Variants in CAPN15 observed in about 807,000 individuals in gnomAD.
The protein encoded by CAPN15 is calpain-15.
A neutral mutation model predicts 97.9 loss-of-function variants in CAPN15; 53 were observed. The observed-to-expected ratio is 0.54, with a 90% CI of 0.43 to 0.68. The LOEUF (loss-of-function observed/expected upper bound fraction) is 0.68. CAPN15 is among the 30% of genes least tolerant of loss of function. CAPN15 has a pLI of 0.00. For missense variants in CAPN15, 1,592 were observed against 1,589.8 expected (o/e 1.00, Z -0.02); for synonymous variants, 922 against 722.5 (o/e 1.28, Z -4.43).
Position 553,016 on chromosome 16 carries a change from C to A in CAPN15, c.3058C>A (p.Gln1020Lys), listed in dbSNP as rs771475802. 2 of 1,604,848 alleles carry A rather than the reference C, an allele frequency of 1.2e-6. No individual in the cohort carries two copies. Among genetic ancestry groups the A allele is most frequent in the Non-Finnish European group, 1.7e-6 (2 of 1,175,600 alleles). The change falls in exon 13 of 14, where the codon CAG becomes AAG. Residue 1020 changes from glutamine to lysine, a missense_variant. Around this residue, in one of 3 missense-constraint regions of CAPN15, gnomAD observed 644 missense variants for 699.6 expected, o/e 0.92. Transcript: ENST00000219611. ...VVSTRGSLRT[Q>K]DSVPPLHRQV... is the part of the protein sequence containing the mutation. ...GTCCACACGCGGCAGCCTGCGTACCCAGGATAGCGTGCCACCCCTGCACAG... is the reference window on the plus strand; with the variant it reads ...GTCCACACGCGGCAGCCTGCGTACCAAGGATAGCGTGCCACCCCTGCACAG...
rs1014579378 is a variant in CAPN15, at chr16:535,877, G to A, written c.-136-152G>A. Among the ~76,000 whole-genome samples, 3 of 152,064 alleles carry A rather than the reference G, an allele frequency of 2.0e-5. No homozygotes were observed. Among genetic ancestry groups the A allele is most frequent in the African/African-American group, 7.2e-5 (3 of 41,404 alleles). ...GCTTGGCCGGCGGCAGGCCCTACAG[G>A]AGCAGCAGCGGCCCAGGGCATGTCC... On this transcript the variant is annotated intron_variant, in intron 2 of 13. Coordinates refer to ENST00000219611, the MANE Select transcript of CAPN15 (RefSeq NM_005632.3). This position sits in a 1 kb window ranked among gnomAD's most constrained non-coding sequence, Gnocchi z 6.2.
At chr16:541,327 GC>G (rs1306950594) in intron 3 of CAPN15, among the ~76,000 whole-genome samples, 1 of 152,214 alleles carries the variant, frequency 6.6e-6, no homozygotes, top group African/African-American at 2.4e-5. Context: ...AGCCCTGTCT[GC>G]GAGTTACCCC....
chr16:530,487 C>G (rs1394581691), intron 1 of CAPN15, among the ~76,000 whole-genome samples: 1 of 152,228 alleles, frequency 6.6e-6, no homozygotes, highest in African/African-American at 2.4e-5. Context: ...CGGCCTGTTT[C>G]TGAGTCTGAG....
chr16:547,777 C>T lies in CAPN15; in HGVS notation c.939C>T (p.Gly313=). 6.2e-7 allele frequency: 1 copy of T among 1,610,808 alleles called. No homozygotes were observed. Among genetic ancestry groups the T allele is most frequent in the East Asian group, 2.2e-5 (1 of 44,836 alleles). ...GTGGCACCAGCCGCGTAGAGGCCGG[C>T]AGCTCCACCTCGGGCAGTGACATCA... is the stretch of plus-strand genomic sequence containing the variant. ...TEGGTSRVEA[G]SSTSGSDIID... is the part of the protein sequence containing the mutation. The change falls in exon 4 of 14, where the codon GGC becomes GGT. Residue 313 remains glycine (G), a synonymous_variant. Coordinates refer to ENST00000219611, the MANE Select transcript of CAPN15 (RefSeq NM_005632.3).
intron 2 of CAPN15, among the ~76,000 whole-genome samples, chr16:534,813 G>A (rs1178332053): frequency 2.0e-5 from 3 of 152,198 alleles, no homozygotes. Flanking sequence ...CACACCCCCA[G>A]CTCGGGCAGG....
intron 1 of CAPN15, among the ~76,000 whole-genome samples, chr16:528,522 C>G (rs1394521807): frequency 1.3e-5 from 2 of 152,232 alleles, no homozygotes; most frequent in Admixed American, 1.3e-4. Context: ...TCTGTGCCAG[C>G]CATGCCAGTG....
rs540078963 is a variant in CAPN15 at position 552,296 on chromosome 16, C to A, written c.2508-5C>A. ...CGTGACCCTGGCCCGTGGTGTCTGG[C>A]GCAGGCGCTCGGACGCCGTGGACAG... On this transcript the variant is annotated splice_region_variant and splice_polypyrimidine_tract_variant and intron_variant, in intron 10 of 13. Coordinates refer to ENST00000219611, the MANE Select transcript of CAPN15 (RefSeq NM_005632.3). The surrounding 1 kb of genome is among the most constrained non-coding windows in gnomAD (Gnocchi z 6.4). The A allele has an allele frequency of 6.5e-7, 1 of 1,548,106 alleles. No homozygotes were observed. The highest frequency in any genetic ancestry group is 8.7e-7 in the Non-Finnish European group (1 of 1,150,620).
chr16:546,947 C>T lies in CAPN15; in HGVS notation c.109C>T (p.His37Tyr). ...TCCCCGGCACAAGCCCGACCTCAACCACATCCTGCGGCTCAGCGTGGAGGA... is the reference window on the plus strand; with the variant it reads ...TCCCCGGCACAAGCCCGACCTCAACTACATCCTGCGGCTCAGCGTGGAGGA... The part of the protein sequence containing the change: ...EAPRHKPDLN[H>Y]ILRLSVEEQK... The change falls in exon 4 of 14, where the codon CAC becomes TAC. Residue 37 changes from histidine to tyrosine, a missense_variant. Around this residue, in one of 3 missense-constraint regions of CAPN15, gnomAD observed 883 missense variants for 776.6 expected, o/e 1.14. Transcript: ENST00000219611. The T allele has an allele frequency of 1.2e-6, 2 of 1,610,758 alleles. No individual in the cohort carries two copies. The highest frequency in any genetic ancestry group is 1.7e-6 in the Non-Finnish European group (2 of 1,179,896).
At chr16:528,120 C>T (rs888498380) in intron 1 of CAPN15, 91 bp downstream of exon 1, 5 of 147,878 alleles carry the variant, frequency 3.4e-5, no homozygotes, top group African/African-American at 4.9e-5. Flanking sequence ...AGCGCGGGCT[C>T]GGCGGGGCGC....
intron 3 of CAPN15, among the ~76,000 whole-genome samples, chr16:544,167 C>G (rs1057145461): frequency 6.6e-6 from 1 of 152,296 alleles, no homozygotes. Flanking sequence ...GACTGCAGCC[C>G]AGCTCGAGGG....
intron 1 of CAPN15, among the ~76,000 whole-genome samples, chr16:532,947 A>G (rs1225131105): frequency 2.1e-5 from 3 of 144,352 alleles, no homozygotes; most frequent in East Asian, 4.4e-4. Context: ...GGGGCCGGGC[A>G]TGGTGGCTCA....
Position 553,799 on chromosome 16 carries a change from G to T in CAPN15, c.*283G>T. On this transcript the variant is annotated 3_prime_UTR_variant, in exon 14 of 14. Coordinates refer to ENST00000219611, the MANE Select transcript of CAPN15 (RefSeq NM_005632.3). ...CACCTGCCAGCCCCAACACCCGACGGGGGCCGAGGCCAGGCTGCCCCTCCC... is the reference window on the plus strand; with the variant it reads ...CACCTGCCAGCCCCAACACCCGACGTGGGCCGAGGCCAGGCTGCCCCTCCC... 3.0e-6 allele frequency: 1 copy of T among 338,888 alleles called. No individual in the cohort carries two copies. Among genetic ancestry groups the T allele is most frequent in the South Asian group, 8.3e-5 (1 of 12,106 alleles). The allele number at this position is 338,888 out of a possible 1,614,324, so 21.0% of individuals were successfully genotyped here.
intron 1 of CAPN15, among the ~76,000 whole-genome samples, chr16:531,164 A>T (rs1280316752): frequency 6.6e-6 from 1 of 152,230 alleles, no homozygotes; most frequent in Non-Finnish European, 1.5e-5. Context: ...CCTTCCCCTC[A>T]CTTCTCTTCA....
chr16:551,039 G>GCCCCGGTCGGTGAGGGT (rs1567157582), intron 7 of CAPN15, among the ~76,000 whole-genome samples: 23 of 112,524 alleles, frequency 2.0e-4, no homozygotes, highest in African/African-American at 8.4e-4. Flanking sequence ...GTCGGTGAGG[G>GCCCCGGTCGGTGAGGGT]CCCCGGTCGG....
intron 3 of CAPN15, among the ~76,000 whole-genome samples, chr16:542,997 G>T (rs892777149): frequency 1.3e-5 from 2 of 151,992 alleles, no homozygotes; most frequent in South Asian, 4.2e-4. Context: ...GTTGCAGTGA[G>T]CCAAGATTGC....
In CAPN15 at chr16:551,396, A is replaced by G. The variant is rs1384520956; in HGVS notation, c.2161A>G (p.Ile721Val). 2 of 1,609,920 alleles carry G rather than the reference A, an allele frequency of 1.2e-6. No homozygotes were observed. The highest frequency in any genetic ancestry group is 2.2e-5 in the South Asian group (2 of 90,938). ...LGLRPRHAYS[I>V]LDVRDVQGTR... ...CCTGCGCCCCCGGCATGCCTACTCC[A>G]TCCTGGATGTCCGAGATGTCCAGGG... is the stretch of plus-strand genomic sequence containing the variant. The change falls in exon 8 of 14, where the codon ATC becomes GTC. Residue 721 changes from isoleucine to valine, a missense_variant. Transcript: ENST00000219611.
rs1346897453 is a variant in CAPN15 at position 537,190 on chromosome 16, C to A, written c.-23+1048C>A. On this transcript the variant is annotated intron_variant, in intron 3 of 13. Coordinates refer to ENST00000219611, the MANE Select transcript of CAPN15 (RefSeq NM_005632.3). Reference sequence around the variant, plus strand: ...AGGGGACTGTGCTGTCCCTGCTCTCCTAGGACAGGCCTCCCTCCTGTCCAG... The same window carrying A: ...AGGGGACTGTGCTGTCCCTGCTCTCATAGGACAGGCCTCCCTCCTGTCCAG... The A allele has an allele frequency of 8.1e-6, 8 of 985,520 alleles. No individual in the cohort carries two copies. In the East Asian group the frequency reaches 7.9e-4, roughly 98 times the overall value. The allele number at this position is 985,520 out of a possible 1,614,324, so 61.0% of individuals were successfully genotyped here. A position where few individuals can be genotyped will look rare whatever the true frequency, so the allele number is the denominator to read the frequency against.
intron 3 of CAPN15, among the ~76,000 whole-genome samples, chr16:546,158 G>A (rs972440599): frequency 3.9e-5 from 6 of 152,386 alleles, no homozygotes; most frequent in African/African-American, 4.8e-5. Flanking sequence ...GCAGCATCAC[G>A]GAGTTCGCTC....
chr16:554,241 C>T lies in CAPN15; in HGVS notation c.*725C>T, dbSNP rs2035295624. The T allele has an allele frequency of 3.0e-6, 1 of 331,254 alleles. No homozygotes were observed. Among genetic ancestry groups the T allele is most frequent in the Non-Finnish European group, 5.9e-6 (1 of 168,270 alleles). 20.5% of individuals were successfully genotyped at this position (331,254 alleles called of 1,614,324 possible). A position where few individuals can be genotyped will look rare whatever the true frequency, so the allele number is the denominator to read the frequency against. The stretch of plus-strand genomic sequence containing the variant: ...AGCCAACCCTGTCCCTCGGCCCGGC[C>T]CTGCCAGAGAGGGACCCCAGCACAT... On this transcript the variant is annotated 3_prime_UTR_variant, in exon 14 of 14. Transcript: ENST00000219611.
Sources: gnomAD v4.1 joint callset for allele counts (sites outside exome capture counted in the v4.1 genomes callset) on GRCh38, gnomAD v4.1.1 for gene constraint, gnomAD v4.1.1 regional missense constraint, Gnocchi (gnomAD v3.1) non-coding constraint, MANE v1.5 for transcripts, NCBI Gene and HGNC (gene_info 2026-07-23, HGNC 2026-07-21) for gene names.